Variants in SORCS3 observed in about 807,000 individuals in gnomAD.
The protein encoded by SORCS3 is sortilin related VPS10 domain containing receptor 3.
In SORCS3, 57 loss-of-function variants were observed where a neutral mutation model predicts 146.3. The observed-to-expected ratio is 0.39, with a 90% CI of 0.31 to 0.49. SORCS3 has a LOEUF of 0.49. Ranked by LOEUF, SORCS3 falls within the 20% of genes least tolerant of loss-of-function variation. The pLI, the probability that SORCS3 is intolerant of heterozygous loss-of-function variation, is 0.92. For missense variants in SORCS3, 1,341 were observed against 1,575.5 expected (o/e 0.85, Z 2.52); for synonymous variants, 653 against 618.5 (o/e 1.06, Z -0.83).
intron 1 of SORCS3, among the ~76,000 whole-genome samples, chr10:104,795,983 GC>G (rs1292129354): frequency 6.6e-6 from 1 of 152,192 alleles, no homozygotes; most frequent in African/African-American, 2.4e-5. Flanking sequence ...AGAGCGCTTT[GC>G]CCTGCTTTGG....
At chr10:105,183,866 G>C (rs2056458989) in intron 14 of SORCS3, among the ~76,000 whole-genome samples, 1 of 152,124 alleles carries the variant, frequency 6.6e-6, no homozygotes, top group Non-Finnish European at 1.5e-5. Context: ...TGCTGTGTGG[G>C]CTCAGGGGGA....
chr10:104,827,402 A>G (rs1342334355), intron 1 of SORCS3, among the ~76,000 whole-genome samples: 1 of 152,224 alleles, frequency 6.6e-6, no homozygotes, highest in East Asian at 1.9e-4. Context: ...ATATCTTTGT[A>G]CATCTCCATC....
chr10:104,784,922 C>T (rs1006610550), intron 1 of SORCS3, among the ~76,000 whole-genome samples: 1 of 152,166 alleles, frequency 6.6e-6, no homozygotes, highest in Non-Finnish European at 1.5e-5. Context: ...TCCACAAAGC[C>T]GCCATTGTCA....
chr10:104,849,151 C>T (rs1309528861), intron 2 of SORCS3, among the ~76,000 whole-genome samples: 1 of 152,108 alleles, frequency 6.6e-6, no homozygotes, highest in African/African-American at 2.4e-5. Context: ...TGGCTCATGC[C>T]TGAAATCCCA....
At chr10:105,052,894 A>G (rs1393979655) in intron 5 of SORCS3, among the ~76,000 whole-genome samples, 1 of 152,122 alleles carries the variant, frequency 6.6e-6, no homozygotes, top group Non-Finnish European at 1.5e-5. Flanking sequence ...GTTCTGCTCC[A>G]GTTTGGTCTG....
intron 2 of SORCS3, among the ~76,000 whole-genome samples, chr10:104,867,309 ATTTT>A (rs1258978078): frequency 7.2e-6 from 1 of 138,298 alleles, no homozygotes. Flanking sequence ...CCAGTGTACA[ATTTT>A]TTTTTTTTTT....
At chr10:105,033,054 C>A (rs952599620) in intron 4 of SORCS3, among the ~76,000 whole-genome samples, 1 of 152,058 alleles carries the variant, frequency 6.6e-6, no homozygotes, top group Non-Finnish European at 1.5e-5. Context: ...ACTGTGGAGA[C>A]AAAAGAATGG....
chr10:104,726,870 G>A (rs987493877), intron 1 of SORCS3, among the ~76,000 whole-genome samples: 4 of 152,054 alleles, frequency 2.6e-5, no homozygotes, highest in African/African-American at 9.7e-5. Context: ...TGGGACTAGG[G>A]CTACTTGGGA....
intron 3 of SORCS3, among the ~76,000 whole-genome samples, chr10:104,975,388 C>T (rs1210368593): frequency 2.0e-5 from 3 of 151,972 alleles, no homozygotes; most frequent in Non-Finnish European, 4.4e-5. Flanking sequence ...GAACTACAAA[C>T]CACTGCTCAA....
rs541560032 is a variant in SORCS3, at chr10:104,931,170, CA to C, written c.795+15239del. Among the ~76,000 whole-genome samples, 1,162 of 152,258 alleles carry C rather than the reference CA, an allele frequency of 7.6e-3. 15 individuals are homozygous for C. Among genetic ancestry groups the C allele is most frequent in the African/African-American group, 0.026 (1,076 of 41,552 alleles). ...TTAAATTGATGAAGAAACTGAGTCT[CA>C]GGGGGGGAGTCCCTTATTCAAAGTT... On this transcript the variant is annotated intron_variant, in intron 3 of 26. Coordinates refer to ENST00000369701, the MANE Select transcript of SORCS3 (RefSeq NM_014978.3).
At chr10:104,782,557 G>A (rs2017387405) in intron 1 of SORCS3, among the ~76,000 whole-genome samples, 1 of 152,214 alleles carries the variant, frequency 6.6e-6, no homozygotes, top group Non-Finnish European at 1.5e-5. Context: ...TCATCAGCCT[G>A]TTCTTGGATA....
chr10:104,735,991 C>G (rs1321612271), intron 1 of SORCS3, among the ~76,000 whole-genome samples: 2 of 152,084 alleles, frequency 1.3e-5, no homozygotes, highest in Non-Finnish European at 2.9e-5. Flanking sequence ...TTTTCTTCTT[C>G]TTTTTAGTAG....
chr10:105,168,492 T>G (rs1408613626), intron 13 of SORCS3, among the ~76,000 whole-genome samples: 7 of 152,164 alleles, frequency 4.6e-5, no homozygotes, highest in Non-Finnish European at 1.5e-5. Context: ...TGAATATTTG[T>G]GGGTGGAGAA....
At chr10:104,654,269 G>GT (rs2015598218) in intron 1 of SORCS3, among the ~76,000 whole-genome samples, 1 of 152,228 alleles carries the variant, frequency 6.6e-6, no homozygotes, top group African/African-American at 2.4e-5. Flanking sequence ...AAACATGGGA[G>GT]TGCAGATATC....
chr10:105,193,956 T>A (rs148028146), intron 14 of SORCS3, among the ~76,000 whole-genome samples: 1 of 152,266 alleles, frequency 6.6e-6, no homozygotes, highest in Non-Finnish European at 1.5e-5. Flanking sequence ...TCTTGAGTGG[T>A]TGTCAAATAC....
chr10:104,795,716 G>A (rs1322491491), intron 1 of SORCS3, among the ~76,000 whole-genome samples: 1 of 152,242 alleles, frequency 6.6e-6, no homozygotes, highest in Non-Finnish European at 1.5e-5. Flanking sequence ...CTAAGTTGGA[G>A]TTGGTGGTGG....
intron 4 of SORCS3, among the ~76,000 whole-genome samples, chr10:104,987,256 A>G (rs541368506): frequency 6.6e-6 from 1 of 152,306 alleles, no homozygotes; most frequent in African/African-American, 2.4e-5. Flanking sequence ...TATTTTAAAG[A>G]ATGGAAGGAA....
At position 105,259,284 on chromosome 10, in the gene SORCS3, C is replaced by A. The variant is rs1268042771; in HGVS notation, c.3443+2360C>A. On this transcript the variant is annotated intron_variant, in intron 25 of 26. Transcript: ENST00000369701. ...CCATTAAACGCTCTGTTGAGCAGCA[C>A]AGTTTAGTGTAAAGACATTTCTGTT... Among the ~76,000 whole-genome samples, 3 of 152,234 alleles carry A rather than the reference C, an allele frequency of 2.0e-5. No individual in the cohort carries two copies. The South Asian group carries it at 6.2e-4, about 31-fold the overall frequency.
intron 1 of SORCS3, among the ~76,000 whole-genome samples, chr10:104,776,647 C>A (rs2017311192): frequency 6.6e-6 from 1 of 151,932 alleles, no homozygotes; most frequent in African/African-American, 2.4e-5. Context: ...GTCTATTTAT[C>A]TTTTCTTAAA....
Sources: allele counts gnomAD v4.1 joint callset (sites outside exome capture counted in the v4.1 genomes callset), GRCh38; gene constraint gnomAD v4.1.1; transcripts MANE v1.5; gene names NCBI Gene and HGNC (gene_info 2026-07-23, HGNC 2026-07-21).